Variants in NDST4 observed in about 807,000 individuals in gnomAD.
NDST4 encodes N-deacetylase and N-sulfotransferase 4.
In NDST4, 63 loss-of-function variants were observed where a neutral mutation model predicts 100.8. The observed-to-expected ratio is 0.62, with a 90% CI of 0.51 to 0.77. The LOEUF (loss-of-function observed/expected upper bound fraction) is 0.77. Ranked by LOEUF, NDST4 falls within the 30% of genes least tolerant of loss-of-function variation. NDST4 has a pLI of 0.00. For missense variants in NDST4, 943 were observed against 1,018.4 expected (o/e 0.93, Z 1.01); for synonymous variants, 377 against 361.8 (o/e 1.04, Z -0.48).
chr4:114,856,639 C>T (rs989064073), intron 7 of NDST4, among the ~76,000 whole-genome samples: 35 of 152,000 alleles, frequency 2.3e-4, no homozygotes, highest in African/African-American at 8.2e-4. Context: ...ATGCTTAGGC[C>T]GATTCTTCCC....
Position 114,833,655 on chromosome 4 carries a change from G to A in NDST4, c.2347C>T (p.Gln783Ter), listed in dbSNP as rs1723249733. 1 of 1,613,254 alleles carries A rather than the reference G, an allele frequency of 6.2e-7. No homozygotes were observed. The highest frequency in any genetic ancestry group is 8.5e-7 in the Non-Finnish European group (1 of 1,179,668). The change falls in exon 12 of 14, where the codon CAG becomes TAG. Residue 783 changes from glutamine (Q) to a stop codon, truncating the protein, a stop_gained. Transcript: ENST00000264363. LOFTEE classifies it high-confidence loss of function. ...SDPATVMDEVQKFLGVTPRYN... is the reference protein window; with the variant it reads ...SDPATVMDEV ...CGAGGTGTAACTCCCAGAAACTTCT[G>A]GACTTCATCCATCACAGTAGCTGGG...
chr4:114,958,756 T>C (rs1166821928), intron 4 of NDST4, among the ~76,000 whole-genome samples: 2 of 152,228 alleles, frequency 1.3e-5, no homozygotes, highest in African/African-American at 4.8e-5. Flanking sequence ...TTGTTACTTA[T>C]GCAAATTTCT....
intron 2 of NDST4, among the ~76,000 whole-genome samples, chr4:115,053,290 T>C (rs1450556139): frequency 6.6e-6 from 1 of 152,146 alleles, no homozygotes; most frequent in Non-Finnish European, 1.5e-5. Flanking sequence ...GAATTAGTAA[T>C]GGAATTTCAG....
intron 2 of NDST4, among the ~76,000 whole-genome samples, chr4:114,999,931 T>C (rs1727249568): frequency 6.6e-6 from 1 of 151,976 alleles, no homozygotes; most frequent in South Asian, 2.1e-4. Flanking sequence ...AAAATCTTCT[T>C]TTTGCCAATC....
At chr4:115,016,639 G>A (rs1043996201) in intron 2 of NDST4, among the ~76,000 whole-genome samples, 2 of 152,022 alleles carry the variant, frequency 1.3e-5, no homozygotes, top group Non-Finnish European at 2.9e-5. Context: ...ATCCTATTGG[G>A]GGATATTGGA....
chr4:114,953,244 G>T (rs1336188577), intron 4 of NDST4, among the ~76,000 whole-genome samples: 4 of 151,884 alleles, frequency 2.6e-5, no homozygotes, highest in African/African-American at 9.7e-5. Context: ...ATAAGCCTAA[G>T]AACCTTTCTC....
intron 7 of NDST4, among the ~76,000 whole-genome samples, chr4:114,855,626 G>C (rs1723776826): frequency 6.6e-6 from 1 of 151,960 alleles, no homozygotes; most frequent in African/African-American, 2.4e-5. Context: ...CTGTTTCATT[G>C]GTCTATGTGT....
intron 4 of NDST4, among the ~76,000 whole-genome samples, chr4:114,947,519 G>A (rs1052351774): frequency 1.3e-5 from 2 of 151,984 alleles, no homozygotes; most frequent in African/African-American, 4.8e-5. Context: ...AAAGTTACAG[G>A]TATTAAGTAT....
intron 7 of NDST4, among the ~76,000 whole-genome samples, chr4:114,869,188 T>G (rs891762432): frequency 1.3e-5 from 2 of 151,692 alleles, no homozygotes; most frequent in African/African-American, 4.8e-5. Context: ...CCAAACATAT[T>G]AATAAATACA....
chr4:115,063,838 AC>A (rs995339358), intron 2 of NDST4, among the ~76,000 whole-genome samples: 8 of 148,926 alleles, frequency 5.4e-5, no homozygotes, highest in African/African-American at 2.0e-4. Flanking sequence ...ACTTCTTAAT[AC>A]TTTTTTTTTT....
In NDST4 at chr4:115,027,308, C is replaced by G. The variant is rs76398065; in HGVS notation, c.978+48751G>C. ...GGGATGGAAGACAGAATTTGGCTCT[C>G]AGCCTCTCTATTAAAACAGTTTGCC... On this transcript the variant is annotated intron_variant, in intron 2 of 13. Transcript: ENST00000264363. Among the ~76,000 whole-genome samples the G allele has an allele frequency of 3.4e-3, 520 of 152,258 alleles. 3 individuals carry two copies. The highest frequency in any genetic ancestry group is 4.1e-3 in the Non-Finnish European group (277 of 68,012).
chr4:114,930,655 C>A (rs1725492306), intron 6 of NDST4, among the ~76,000 whole-genome samples: 1 of 152,094 alleles, frequency 6.6e-6, no homozygotes, highest in East Asian at 1.9e-4. Flanking sequence ...ATAAGCCTTT[C>A]TTCCATGAAA....
chr4:115,082,646 T>C (rs1165756406), intron 1 of NDST4, among the ~76,000 whole-genome samples: 1 of 152,196 alleles, frequency 6.6e-6, no homozygotes, highest in Non-Finnish European at 1.5e-5. Flanking sequence ...AACTATGCTA[T>C]ATTCTTTGTA....
At chr4:114,918,320 A>T (rs1043512231) in intron 6 of NDST4, among the ~76,000 whole-genome samples, 29 of 147,984 alleles carry the variant, frequency 2.0e-4, no homozygotes, top group African/African-American at 6.2e-4. Flanking sequence ...AAGATGTTGT[A>T]AAAGTGTGTC....
intron 4 of NDST4, among the ~76,000 whole-genome samples, chr4:114,952,898 A>T (rs1726049461): frequency 6.6e-6 from 1 of 152,138 alleles, no homozygotes; most frequent in Admixed American, 6.6e-5. Context: ...AAAGGTGAGT[A>T]AGTTTTTCAA....
intron 4 of NDST4, among the ~76,000 whole-genome samples, chr4:114,957,069 A>G (rs1216680799): frequency 6.6e-6 from 1 of 152,222 alleles, no homozygotes; most frequent in Non-Finnish European, 1.5e-5. Context: ...ACAATATCTC[A>G]TCCAATGAGA....
chr4:114,937,271 C>A, intron 5 of NDST4, 47 bp downstream of exon 5: 1 of 1,595,484 alleles, frequency 6.3e-7, no homozygotes. Flanking sequence ...CTTCATTCCA[C>A]ATGTAAATAT....
chr4:115,079,401 C>G (rs1288262673), intron 1 of NDST4, among the ~76,000 whole-genome samples: 3 of 151,300 alleles, frequency 2.0e-5, no homozygotes, highest in Admixed American at 6.6e-5. Context: ...TGCTTCATCA[C>G]GAATGGACAT....
At chr4:115,016,023 C>A (rs1343330889) in intron 2 of NDST4, among the ~76,000 whole-genome samples, 1 of 152,018 alleles carries the variant, frequency 6.6e-6, no homozygotes, top group Non-Finnish European at 1.5e-5. Flanking sequence ...TCCCTCCGTG[C>A]AATGCTTCTG....
Sources: gnomAD v4.1 joint callset for allele counts (sites outside exome capture counted in the v4.1 genomes callset) on GRCh38, gnomAD v4.1.1 for gene constraint, MANE v1.5 for transcripts, NCBI Gene and HGNC (gene_info 2026-07-23, HGNC 2026-07-21) for gene names.